The following RABGAP1L variants were observed in gnomAD, a reference collection of about 807,000 sequenced individuals.
RABGAP1L encodes RAB GTPase activating protein 1 like.
Under a neutral mutation model 137.7 loss-of-function variants are expected in RABGAP1L, and 63 were observed. The observed-to-expected ratio is 0.46, with a 90% CI of 0.37 to 0.56. The LOEUF is 0.56. RABGAP1L is among the 20% of genes least tolerant of loss of function. The probability of loss-of-function intolerance (pLI) is 0.00; values close to 1 mark genes in which losing one functional copy is unlikely to be tolerated. For missense variants in RABGAP1L, 1,095 were observed against 1,244.0 expected (o/e 0.88, Z 1.80); for synonymous variants, 431 against 433.7 (o/e 0.99, Z 0.08).
intron 11 of RABGAP1L, among the ~76,000 whole-genome samples, chr1:174,318,495 A>G (rs1339345685): frequency 3.3e-5 from 5 of 151,898 alleles, no homozygotes; most frequent in South Asian, 2.1e-4. Flanking sequence ...CAGCCACTCT[A>G]TGTCTTTTGA....
intron 18 of RABGAP1L, among the ~76,000 whole-genome samples, chr1:174,799,518 C>T (rs932882909): frequency 2.2e-4 from 33 of 152,004 alleles, no homozygotes; most frequent in South Asian, 6.2e-4. Flanking sequence ...TTTCTGTGAG[C>T]GTCACATGTT....
At chr1:174,717,424 G>A (rs1681110320) in intron 17 of RABGAP1L, among the ~76,000 whole-genome samples, 1 of 152,028 alleles carries the variant, frequency 6.6e-6, no homozygotes, top group Non-Finnish European at 1.5e-5. Flanking sequence ...ACAAACAAAT[G>A]TATGACTGTA....
chr1:174,364,086 T>A (rs954509612), intron 11 of RABGAP1L, among the ~76,000 whole-genome samples: 1 of 151,816 alleles, frequency 6.6e-6, no homozygotes, highest in Non-Finnish European at 1.5e-5. Flanking sequence ...CTTCCTCTGT[T>A]TTTCAGAATA....
chr1:174,747,330 A>T (rs1374529291), intron 17 of RABGAP1L, among the ~76,000 whole-genome samples: 1 of 139,104 alleles, frequency 7.2e-6, no homozygotes, highest in African/African-American at 2.7e-5. Context: ...TGAGCCTGGG[A>T]GGTTGAGGCT....
intron 13 of RABGAP1L, among the ~76,000 whole-genome samples, chr1:174,415,592 A>T (rs1050200410): frequency 6.6e-6 from 1 of 152,052 alleles, no homozygotes; most frequent in African/African-American, 2.4e-5. Flanking sequence ...TTCTACCTTG[A>T]TACCTGCAAA....
chr1:174,968,970 T>C (rs1478423001), intron 20 of RABGAP1L, among the ~76,000 whole-genome samples: 1 of 152,216 alleles, frequency 6.6e-6, no homozygotes, highest in African/African-American at 2.4e-5. Flanking sequence ...TCTAGATCTA[T>C]GTAAAAACCT....
At chr1:174,952,116 G>T (rs1384309107) in intron 19 of RABGAP1L, among the ~76,000 whole-genome samples, 1 of 151,918 alleles carries the variant, frequency 6.6e-6, no homozygotes, top group Non-Finnish European at 1.5e-5. Flanking sequence ...ATGATCCGAA[G>T]TTTAAGATCT....
intron 19 of RABGAP1L, among the ~76,000 whole-genome samples, chr1:174,831,034 T>C (rs76077529): frequency 2.0e-5 from 3 of 147,848 alleles, no homozygotes; most frequent in African/African-American, 7.4e-5. Context: ...ATTAATAATT[T>C]ATAGGAGATT....
intron 1 of RABGAP1L, among the ~76,000 whole-genome samples, chr1:174,216,396 A>G (rs566678750): frequency 2.6e-5 from 4 of 152,312 alleles, no homozygotes; most frequent in East Asian, 3.9e-4. Context: ...ATGTAAAAGT[A>G]TCTCACATAA....
At chr1:174,847,213 T>C (rs1192719392) in intron 19 of RABGAP1L, among the ~76,000 whole-genome samples, 3 of 150,928 alleles carry the variant, frequency 2.0e-5, no homozygotes, top group African/African-American at 7.3e-5. Flanking sequence ...AATTGGAGAA[T>C]TGAGTCCATT....
rs776043418 is a variant in RABGAP1L at position 174,832,639 on chromosome 1, C to A, written c.2340+20679C>A. On this transcript the variant is annotated intron_variant, in intron 19 of 25. Transcript: ENST00000681986. ...CCTCCAGCAGCCCCTTCTCCCATGA[C>A]CTCTATGTCAGTTACATCCATGTGC... 3.3e-5 allele frequency among the ~76,000 whole-genome samples: 4 copies of A among 121,636 alleles called. 1 individual carries two copies. Among genetic ancestry groups the A allele is most frequent in the Non-Finnish European group, 7.5e-5 (4 of 53,580 alleles). 79.8% of individuals were successfully genotyped at this position (121,636 alleles called of 152,430 possible).
At chr1:174,573,114 T>C (rs530488420) in intron 13 of RABGAP1L, among the ~76,000 whole-genome samples, 1 of 152,282 alleles carries the variant, frequency 6.6e-6, no homozygotes, top group East Asian at 1.9e-4. Flanking sequence ...TTGACTTTAG[T>C]GTGTATATAT....
At chr1:174,278,967 C>G (rs1406088769) in intron 10 of RABGAP1L, among the ~76,000 whole-genome samples, 188 bp downstream of exon 10, 2 of 152,030 alleles carry the variant, frequency 1.3e-5, no homozygotes, top group Non-Finnish European at 2.9e-5. Context: ...TAAAAAAACC[C>G]AGCAAGTTTA....
intron 13 of RABGAP1L, among the ~76,000 whole-genome samples, chr1:174,585,283 A>G (rs774675341): frequency 6.6e-6 from 1 of 152,202 alleles, no homozygotes; most frequent in African/African-American, 2.4e-5. Flanking sequence ...CTACCCAGCC[A>G]TGCTTTGGAA....
chr1:174,639,244 T>C (rs550132671), intron 14 of RABGAP1L, among the ~76,000 whole-genome samples: 1 of 152,150 alleles, frequency 6.6e-6, no homozygotes, highest in African/African-American at 2.4e-5. Flanking sequence ...TGATTAGAAA[T>C]CTATTTTTAT....
intron 18 of RABGAP1L, among the ~76,000 whole-genome samples, chr1:174,786,720 T>C (rs1023605357): frequency 6.6e-6 from 1 of 152,238 alleles, no homozygotes; most frequent in Non-Finnish European, 1.5e-5. Context: ...TCCATAAACA[T>C]TGCACTTGCT....
At chr1:174,435,317 C>T (rs1261589691) in intron 13 of RABGAP1L, among the ~76,000 whole-genome samples, 2 of 152,164 alleles carry the variant, frequency 1.3e-5, no homozygotes, top group Non-Finnish European at 2.9e-5. Flanking sequence ...TGCACCTGTT[C>T]ATCTTTGTCT....
chr1:174,647,919 C>T (rs1402279377), intron 14 of RABGAP1L, among the ~76,000 whole-genome samples: 1 of 152,034 alleles, frequency 6.6e-6, no homozygotes. Flanking sequence ...TCGACTTCTT[C>T]CTGGTTTAGT....
At chr1:174,616,229 G>A (rs553043665) in intron 13 of RABGAP1L, among the ~76,000 whole-genome samples, 23 of 152,198 alleles carry the variant, frequency 1.5e-4, no homozygotes, top group Admixed American at 1.0e-3. Context: ...GGTGCCCCCC[G>A]TTGGTATGCG....
Sources: gnomAD v4.1 joint callset for allele counts (sites outside exome capture counted in the v4.1 genomes callset) on GRCh38, gnomAD v4.1.1 for gene constraint, MANE v1.5 for transcripts, NCBI Gene and HGNC (gene_info 2026-07-23, HGNC 2026-07-21) for gene names.